The following AGAP1 variants were observed in gnomAD, a reference collection of about 807,000 sequenced individuals.
The protein encoded by AGAP1 is ArfGAP with GTPase domain, ankyrin repeat and PH domain 1, also known as arf-GAP with GTPase, ANK repeat and PH domain-containing protein 1.
In AGAP1, 29 loss-of-function variants were observed where a neutral mutation model predicts 105.3. That is an observed-to-expected ratio of 0.28 (90% CI 0.21 to 0.38). The LOEUF (loss-of-function observed/expected upper bound fraction) is 0.38, where lower values mean the gene tolerates loss of function less well. Among genes scored for constraint, AGAP1 ranks in the 10% least tolerant of loss-of-function variants. The probability of loss-of-function intolerance (pLI) is 1.00; values close to 1 mark genes in which losing one functional copy is unlikely to be tolerated. For missense variants in AGAP1, 998 were observed against 1,165.1 expected (o/e 0.86, Z 2.09); for synonymous variants, 509 against 485.9 (o/e 1.05, Z -0.63).
Position 235,891,605 on chromosome 2 carries a change from A to T in AGAP1, c.1155+8156A>T, listed in dbSNP as rs150029660. On this transcript the variant is annotated intron_variant, in intron 10 of 17. Coordinates refer to ENST00000304032, the MANE Select transcript of AGAP1 (RefSeq NM_001037131.3). The surrounding 1 kb of genome is among the most constrained non-coding windows in gnomAD (Gnocchi z 4.2). ...CCTATTCATCTTCCATGTCGCAAGC[A>T]CGGCCGTCGAGTGCAAGGCTGCAAT... Among the ~76,000 whole-genome samples, 26 of 152,304 alleles carry T rather than the reference A, an allele frequency of 1.7e-4. No individual in the cohort carries two copies. The highest frequency in any genetic ancestry group is 6.3e-4 in the African/African-American group (26 of 41,570).
chr2:235,853,028 A>G (rs1323147080), intron 9 of AGAP1: 6 of 1,245,056 alleles, frequency 4.8e-6, no homozygotes, highest in Admixed American at 8.4e-5. Context: ...GCAACTCACA[A>G]AAGACCCCTT....
intron 7 of AGAP1, among the ~76,000 whole-genome samples, chr2:235,798,401 A>G (rs555680906): frequency 1.3e-5 from 2 of 152,316 alleles, no homozygotes; most frequent in African/African-American, 4.8e-5. Context: ...ACAACCTCCT[A>G]AGGAAACAGT....
chr2:236,055,017 G>A lies in AGAP1; in HGVS notation c.2114+5736G>A, dbSNP rs1246833048. Among the ~76,000 whole-genome samples, 1 of 152,162 alleles carries A rather than the reference G, an allele frequency of 6.6e-6. No homozygotes were observed. The highest frequency in any genetic ancestry group is 1.5e-5 in the Non-Finnish European group (1 of 68,034). On this transcript the variant is annotated intron_variant, in intron 16 of 17. Transcript: ENST00000304032. This position sits in a 1 kb window ranked among gnomAD's most constrained non-coding sequence, Gnocchi z 6.2. ...AACTGGCTGATTTAATGATCCAAAGGGTAATTAATGGCCTGATTATCTTAA... is the reference window on the plus strand; with the variant it reads ...AACTGGCTGATTTAATGATCCAAAGAGTAATTAATGGCCTGATTATCTTAA...
intron 9 of AGAP1, among the ~76,000 whole-genome samples, chr2:235,880,331 G>A (rs964755790): frequency 5.3e-5 from 8 of 152,190 alleles, no homozygotes; most frequent in East Asian, 1.9e-4. Context: ...GGTGTGCGCC[G>A]TGGCCAGCAT....
intron 10 of AGAP1, among the ~76,000 whole-genome samples, chr2:235,899,882 G>A (rs948217921): frequency 6.6e-6 from 1 of 152,216 alleles, no homozygotes; most frequent in African/African-American, 2.4e-5. Flanking sequence ...AAATCTTTCA[G>A]GCAGTGTAAA....
chr2:236,073,580 A>G lies in AGAP1; in HGVS notation c.2114+24299A>G, dbSNP rs564864643. Among the ~76,000 whole-genome samples the G allele has an allele frequency of 6.6e-6, 1 of 152,326 alleles. No individual in the cohort carries two copies. The highest frequency in any genetic ancestry group is 1.5e-5 in the Non-Finnish European group (1 of 68,046). On this transcript the variant is annotated intron_variant, in intron 16 of 17. Coordinates refer to ENST00000304032, the MANE Select transcript of AGAP1 (RefSeq NM_001037131.3). The surrounding 1 kb of genome is among the most constrained non-coding windows in gnomAD (Gnocchi z 5.4). Reference sequence around the variant, plus strand: ...AATTGTTGTAAGTTAGGCTTTGACAAGGACCTTGTAATGATGCTCACATAG... The same window carrying G: ...AATTGTTGTAAGTTAGGCTTTGACAGGGACCTTGTAATGATGCTCACATAG...
chr2:235,542,675 TATG>T (rs1454189989), intron 1 of AGAP1, among the ~76,000 whole-genome samples: 1 of 152,164 alleles, frequency 6.6e-6, no homozygotes, highest in African/African-American at 2.4e-5. Flanking sequence ...TGTTTGCAAA[TATG>T]ATCATAAAAA....
chr2:235,870,890 T>C (rs2049405813), intron 9 of AGAP1, among the ~76,000 whole-genome samples: 1 of 152,252 alleles, frequency 6.6e-6, no homozygotes. Context: ...ACCACTTTTC[T>C]TTCTGAACTT....
chr2:235,808,538 G>C (rs1399845020), intron 9 of AGAP1, among the ~76,000 whole-genome samples: 2 of 152,150 alleles, frequency 1.3e-5, no homozygotes, highest in Non-Finnish European at 2.9e-5. Flanking sequence ...ACCAGAGGAG[G>C]GAGTCCACAG....
At chr2:236,049,547 A>C in intron 16 of AGAP1, 1 of 354,962 alleles carries the variant, frequency 2.8e-6, no homozygotes, top group East Asian at 5.0e-5. Context: ...TTCTAACCTT[A>C]TGAATATATT....
chr2:235,677,755 G>C (rs371465646), intron 1 of AGAP1, among the ~76,000 whole-genome samples: 3 of 151,720 alleles, frequency 2.0e-5, no homozygotes, highest in Admixed American at 1.3e-4. Context: ...AGATTGACTC[G>C]GTGAACAATG....
rs532007881 is a variant in AGAP1, at chr2:235,652,336, C to T, written c.164-56843C>T. On this transcript the variant is annotated intron_variant, in intron 1 of 17. Transcript: ENST00000304032. ...CTTCAGCCACGCAGCCCTCAGACCC[C>T]CCCTACCCCCCAGGCCACTGTGTCC... is the stretch of plus-strand genomic sequence containing the variant. Among the ~76,000 whole-genome samples the T allele has an allele frequency of 9.2e-5, 14 of 152,198 alleles. No homozygotes were observed. The South Asian group carries it at 2.7e-3, about 29-fold the overall frequency.
rs1323368813 is a variant in AGAP1, at chr2:236,104,236, TGA to T, written c.2115-15951_2115-15950del. 6.6e-6 allele frequency among the ~76,000 whole-genome samples: 1 copy of T among 152,186 alleles called. No homozygotes were observed. The highest frequency in any genetic ancestry group is 2.4e-5 in the African/African-American group (1 of 41,452). Reference sequence around the variant, plus strand: ...GTAGGGCCAGGCCTGTTGGCTGCTGTGAGAGATACGCCACCAGGCCAGGCTGA... The same window carrying T: ...GTAGGGCCAGGCCTGTTGGCTGCTGTGAGATACGCCACCAGGCCAGGCTGA... On this transcript the variant is annotated intron_variant, in intron 16 of 17. Coordinates refer to ENST00000304032, the MANE Select transcript of AGAP1 (RefSeq NM_001037131.3). The surrounding 1 kb of genome is among the most constrained non-coding windows in gnomAD (Gnocchi z 4.7).
intron 1 of AGAP1, among the ~76,000 whole-genome samples, chr2:235,671,952 G>C (rs1022804366): frequency 2.0e-5 from 3 of 152,128 alleles, no homozygotes; most frequent in African/African-American, 7.2e-5. Context: ...TCTGGGGGTG[G>C]AAGTGGTGCT....
intron 6 of AGAP1, among the ~76,000 whole-genome samples, chr2:235,756,778 G>C (rs886973772): frequency 6.6e-6 from 1 of 152,154 alleles, no homozygotes; most frequent in Non-Finnish European, 1.5e-5. Flanking sequence ...CTGTGCATGC[G>C]TGAGATCTAG....
rs12328959 is a variant in AGAP1, at chr2:235,901,115, A to G, written c.1156-7623A>G. ...ATGACTTTGGTCTGCACCTGTGACT[A>G]CGTACAAGGCCATTGTTTATTATTC... is the stretch of plus-strand genomic sequence containing the variant. On this transcript the variant is annotated intron_variant, in intron 10 of 17. Coordinates refer to ENST00000304032, the MANE Select transcript of AGAP1 (RefSeq NM_001037131.3). This position sits in a 1 kb window ranked among gnomAD's most constrained non-coding sequence, Gnocchi z 4.3. Among the ~76,000 whole-genome samples the G allele has an allele frequency of 0.34, 51,575 of 152,140 alleles. 9,297 individuals carry two copies. The highest frequency in any genetic ancestry group is 0.47 in the Admixed American group (7,113 of 15,276).
chr2:235,898,056 G>A (rs986340721), intron 10 of AGAP1, among the ~76,000 whole-genome samples: 20 of 152,166 alleles, frequency 1.3e-4, no homozygotes, highest in African/African-American at 4.6e-4. Context: ...TGCCGCATCG[G>A]CTATTTGCCT....
In AGAP1 at chr2:235,919,930, C is replaced by T. The variant is rs997957358; in HGVS notation, c.1325-10835C>T. 2.8e-4 allele frequency among the ~76,000 whole-genome samples: 43 copies of T among 152,212 alleles called. No homozygotes were observed. Among genetic ancestry groups the T allele is most frequent in the Non-Finnish European group, 8.8e-5 (6 of 68,046 alleles). ...GGCCAAGACAAGCCGTACGATGGCG[C>T]TCTCCATAAACACTGTCGGAATCTG... is the stretch of plus-strand genomic sequence containing the variant. On this transcript the variant is annotated intron_variant, in intron 11 of 17. Transcript: ENST00000304032. The surrounding 1 kb of genome is among the most constrained non-coding windows in gnomAD (Gnocchi z 4.1).
rs1326493858 is a variant in AGAP1, at chr2:235,963,112, T to C, written c.1484-5350T>C. Among the ~76,000 whole-genome samples, 1 of 152,206 alleles carries C rather than the reference T, an allele frequency of 6.6e-6. No homozygotes were observed. ...GGTGGGTGGTGGTATTTCCAAGTGC[T>C]GTCTCCTTCCCAAGACTGCCACTTA... On this transcript the variant is annotated intron_variant, in intron 12 of 17. Transcript: ENST00000304032. The surrounding 1 kb of genome is among the most constrained non-coding windows in gnomAD (Gnocchi z 5.1).
Sources: gnomAD v4.1 joint callset for allele counts (sites outside exome capture counted in the v4.1 genomes callset) on GRCh38, gnomAD v4.1.1 for gene constraint, Gnocchi (gnomAD v3.1) non-coding constraint, MANE v1.5 for transcripts, NCBI Gene and HGNC (gene_info 2026-07-23, HGNC 2026-07-21) for gene names.